Variants in TBC1D22A observed in about 807,000 individuals in gnomAD.
TBC1D22A encodes the protein TBC1 domain family member 22A, also known as putative GTPase activator.
In TBC1D22A, 38 loss-of-function variants were observed where a neutral mutation model predicts 60.2. The ratio of observed to expected loss-of-function variants is 0.63; its 90% confidence interval spans 0.49 to 0.83. TBC1D22A has a LOEUF of 0.83. TBC1D22A is among the 40% of genes least tolerant of loss of function. TBC1D22A has a pLI of 0.00. For missense variants in TBC1D22A, 628 were observed against 701.0 expected, an observed-to-expected ratio of 0.90 and a Z score of 1.18; for synonymous variants, 302 against 281.7, an observed-to-expected ratio of 1.07 and a Z score of -0.72.
intron 8 of TBC1D22A, among the ~76,000 whole-genome samples, chr22:46,946,447 T>A (rs1181335688): frequency 6.6e-6 from 1 of 152,198 alleles, no homozygotes; most frequent in Non-Finnish European, 1.5e-5. Flanking sequence ...CTCCTTCTTG[T>A]CTAAAGGGTG....
At position 46,913,490 on chromosome 22, in the gene TBC1D22A, G is replaced by A. The variant is rs556306260; in HGVS notation, c.1015+1302G>A. On this transcript the variant is annotated intron_variant, in intron 8 of 12. Transcript: ENST00000337137. Reference sequence around the variant, plus strand: ...GCCCTCTGACACTTTGTTTCCATTTGTGATTTCATAGGAGGTTGTCTCATT... The same window carrying A: ...GCCCTCTGACACTTTGTTTCCATTTATGATTTCATAGGAGGTTGTCTCATT... 2.7e-5 allele frequency: 36 copies of A among 1,318,724 alleles called. No homozygotes were observed. The South Asian group carries it at 3.6e-4, about 13-fold the overall frequency. 81.7% of individuals were successfully genotyped at this position (1,318,724 alleles called of 1,614,324 possible). A position where few individuals can be genotyped will look rare whatever the true frequency, so the allele number is the denominator to read the frequency against.
chr22:47,168,959 C>T (rs921042702), intron 12 of TBC1D22A, among the ~76,000 whole-genome samples: 5 of 151,792 alleles, frequency 3.3e-5, no homozygotes, highest in African/African-American at 1.2e-4. Context: ...TTGGGAGCCT[C>T]GTCTGCTCTT....
chr22:46,845,843 G>A (rs1349043467), intron 4 of TBC1D22A, among the ~76,000 whole-genome samples: 2 of 152,216 alleles, frequency 1.3e-5, no homozygotes, highest in Non-Finnish European at 2.9e-5. Context: ...GGACTTCAGA[G>A]TCTGTCGTTC....
intron 4 of TBC1D22A, among the ~76,000 whole-genome samples, chr22:46,818,381 G>A (rs540207817): frequency 6.6e-6 from 1 of 152,254 alleles, no homozygotes; most frequent in South Asian, 2.1e-4. Flanking sequence ...TATGGTTTTG[G>A]GTTTTACATG....
chr22:46,860,014 C>T (rs13058446), intron 4 of TBC1D22A, among the ~76,000 whole-genome samples: 7 of 19,638 alleles, frequency 3.6e-4, no homozygotes, highest in African/African-American at 7.2e-4. Context: ...CGCGCAGTGC[C>T]GTGCCCCTTC....
intron 8 of TBC1D22A, among the ~76,000 whole-genome samples, chr22:46,917,402 T>C (rs951635387): frequency 2.0e-5 from 3 of 152,020 alleles, no homozygotes; most frequent in African/African-American, 7.3e-5. Context: ...GAGGGCCTGG[T>C]CCTGGATGTC....
chr22:47,048,004 G>A (rs527516736), intron 11 of TBC1D22A, among the ~76,000 whole-genome samples: 52 of 152,352 alleles, frequency 3.4e-4, no homozygotes, highest in African/African-American at 1.2e-3. Flanking sequence ...ATCTTTGCAA[G>A]TTGGTGTTCC....
chr22:47,097,062 G>A (rs1329460950), intron 11 of TBC1D22A, among the ~76,000 whole-genome samples: 1 of 152,196 alleles, frequency 6.6e-6, no homozygotes, highest in Non-Finnish European at 1.5e-5. Flanking sequence ...CATCAGTATG[G>A]GCATGGCCAC....
chr22:47,122,994 G>A lies in TBC1D22A; in HGVS notation c.1425+11391G>A, dbSNP rs571306617. Among the ~76,000 whole-genome samples the A allele has an allele frequency of 4.6e-5, 7 of 152,296 alleles. No homozygotes were observed. The East Asian group carries it at 7.7e-4, about 17-fold the overall frequency. On this transcript the variant is annotated intron_variant, in intron 12 of 12. Coordinates refer to ENST00000337137, the MANE Select transcript of TBC1D22A (RefSeq NM_014346.5). The stretch of plus-strand genomic sequence containing the variant: ...TTTAGAATTATACCTGGAAGGAGGC[G>A]GAGAGAAGATGGGGTTTGCACATGG...
At chr22:46,915,282 C>T (rs1400845041) in intron 8 of TBC1D22A, 12 of 407,950 alleles carry the variant, frequency 2.9e-5, no homozygotes, top group Admixed American at 1.6e-4. Flanking sequence ...CACGGGTGCC[C>T]TCCAGAGAGG....
intron 1 of TBC1D22A, among the ~76,000 whole-genome samples, chr22:46,782,555 C>G (rs565880532): frequency 6.6e-6 from 1 of 152,312 alleles, no homozygotes; most frequent in African/African-American, 2.4e-5. Context: ...AGTATATTCA[C>G]AGTTAGGCAG....
intron 11 of TBC1D22A, among the ~76,000 whole-genome samples, chr22:47,044,797 G>A (rs1395565732): frequency 1.3e-5 from 2 of 152,214 alleles, no homozygotes; most frequent in Non-Finnish European, 2.9e-5. Flanking sequence ...AGTGTCCTGG[G>A]GATTTAATGC....
intron 8 of TBC1D22A, among the ~76,000 whole-genome samples, chr22:46,955,649 G>A (rs548470375): frequency 3.9e-5 from 6 of 152,268 alleles, no homozygotes; most frequent in East Asian, 3.9e-4. Flanking sequence ...TGAAAAAACC[G>A]TCTAACTTCA....
intron 12 of TBC1D22A, among the ~76,000 whole-genome samples, chr22:47,159,818 CA>C (rs1252314845): frequency 6.6e-6 from 1 of 151,836 alleles, no homozygotes; most frequent in Non-Finnish European, 1.5e-5. Context: ...CCACAGCACA[CA>C]ACCCCCACAC....
chr22:46,766,146 T>C (rs1448361007), intron 1 of TBC1D22A, among the ~76,000 whole-genome samples: 10 of 151,926 alleles, frequency 6.6e-5, no homozygotes, highest in Admixed American at 1.3e-4. Flanking sequence ...TACAGGCGCC[T>C]GCCACCACAC....
intron 12 of TBC1D22A, among the ~76,000 whole-genome samples, chr22:47,155,328 G>A (rs559353539): frequency 9.8e-5 from 15 of 152,338 alleles, no homozygotes; most frequent in Middle Eastern, 3.4e-3. Flanking sequence ...CCTCCCGGCG[G>A]GCTGGCCAGC....
intron 10 of TBC1D22A, among the ~76,000 whole-genome samples, chr22:47,001,233 G>A (rs1464997235): frequency 6.6e-6 from 1 of 151,630 alleles, no homozygotes; most frequent in Non-Finnish European, 1.5e-5. Context: ...CAGAATGCTA[G>A]TGAGAAGCAA....
chr22:47,012,192 A>G (rs1253014089), intron 10 of TBC1D22A, among the ~76,000 whole-genome samples: 2 of 151,848 alleles, frequency 1.3e-5, no homozygotes, highest in Non-Finnish European at 2.9e-5. Flanking sequence ...CACCACCCCA[A>G]AGTTGTTAAG....
chr22:47,127,455 C>T (rs989307330), intron 12 of TBC1D22A, among the ~76,000 whole-genome samples: 1 of 147,918 alleles, frequency 6.8e-6, no homozygotes, highest in Non-Finnish European at 1.5e-5. Context: ...GAACCCCTGA[C>T]CTCAGGTGAT....
Sources: allele counts gnomAD v4.1 joint callset (sites outside exome capture counted in the v4.1 genomes callset), GRCh38; gene constraint gnomAD v4.1.1; transcripts MANE v1.5; gene names NCBI Gene and HGNC (gene_info 2026-07-23, HGNC 2026-07-21).